Variants in CMTR1 observed in about 807,000 individuals in gnomAD.
The protein encoded by CMTR1 is cap-specific mRNA (nucleoside-2'-O-)-methyltransferase 1.
Under a neutral mutation model 107.0 loss-of-function variants are expected in CMTR1, and 39 were observed. That is an observed-to-expected ratio of 0.36 (90% CI 0.28 to 0.48). The LOEUF is 0.48. Among genes scored for constraint, CMTR1 ranks in the 20% least tolerant of loss-of-function variants. The probability of loss-of-function intolerance (pLI) is 0.99; values close to 1 mark genes in which losing one functional copy is unlikely to be tolerated. For synonymous variants in CMTR1, 366 were observed against 379.5 expected, an observed-to-expected ratio of 0.96 and a Z score of 0.41; for missense variants, 672 against 1,064.9, an observed-to-expected ratio of 0.63 and a Z score of 5.14.
intron 3 of CMTR1, among the ~76,000 whole-genome samples, chr6:37,444,626 T>C (rs1338399755): frequency 6.6e-6 from 1 of 152,218 alleles, no homozygotes; most frequent in African/African-American, 2.4e-5. Context: ...TATACCTAAT[T>C]GATGTATCAC....
intron 5 of CMTR1, among the ~76,000 whole-genome samples, chr6:37,450,776 G>T (rs1394487534): frequency 6.6e-6 from 1 of 152,204 alleles, no homozygotes; most frequent in East Asian, 1.9e-4. Flanking sequence ...AATCAATATG[G>T]TCTAGAGGGC....
Position 37,462,323 on chromosome 6 carries a change from T to C in CMTR1, c.1325+221T>C, listed in dbSNP as rs562577875. Reference sequence around the variant, plus strand: ...TTCCAAGCCTTATGCTCCATGCTTATGTGAGGGATTCTCAGCTTGGCCAAG... The same window carrying C: ...TTCCAAGCCTTATGCTCCATGCTTACGTGAGGGATTCTCAGCTTGGCCAAG... On this transcript the variant is annotated intron_variant, in intron 12 of 23. Transcript: ENST00000373451. 7.2e-5 allele frequency among the ~76,000 whole-genome samples: 11 copies of C among 152,326 alleles called. No homozygotes were observed. In the South Asian group the frequency reaches 2.1e-3, roughly 29 times the overall value.
intron 2 of CMTR1, among the ~76,000 whole-genome samples, chr6:37,438,430 G>C (rs773546908): frequency 3.3e-5 from 5 of 152,154 alleles, no homozygotes; most frequent in Non-Finnish European, 5.9e-5. Flanking sequence ...TTCCTTGTAT[G>C]TGTCTGGCAA....
intron 5 of CMTR1, 133 bp downstream of exon 5, chr6:37,450,476 A>G: frequency 1.4e-6 from 1 of 706,478 alleles, no homozygotes; most frequent in East Asian, 2.7e-5. Context: ...TAGGAATAAA[A>G]CTGTGTCAAG....
chr6:37,446,679 G>GTC (rs1771804352), intron 4 of CMTR1, among the ~76,000 whole-genome samples: 1 of 152,216 alleles, frequency 6.6e-6, no homozygotes, highest in Non-Finnish European at 1.5e-5. Flanking sequence ...AAGACCAACG[G>GTC]GTAGAAGATG....
At chr6:37,441,246 C>T (rs917354068) in intron 2 of CMTR1, among the ~76,000 whole-genome samples, 5 of 152,160 alleles carry the variant, frequency 3.3e-5, no homozygotes, top group African/African-American at 1.2e-4. Context: ...CATCTCTCTC[C>T]TCTGCATGGG....
chr6:37,441,738 G>T (rs1771681519), intron 2 of CMTR1, among the ~76,000 whole-genome samples: 1 of 152,108 alleles, frequency 6.6e-6, no homozygotes, highest in Admixed American at 6.5e-5. Context: ...ATACATTCTT[G>T]TGTCTCACAA....
At chr6:37,449,317 T>TG (rs11282584) in intron 4 of CMTR1, among the ~76,000 whole-genome samples, 3 of 151,848 alleles carry the variant, frequency 2.0e-5, no homozygotes, top group South Asian at 2.1e-4. Context: ...TGTTATGTTA[T>TG]TTTGTTTTCA....
At chr6:37,430,948 G>A (rs1430375458), upstream of CMTR1, among the ~76,000 whole-genome samples, 1 of 149,770 alleles carries the variant, frequency 6.7e-6, no homozygotes, top group African/African-American at 2.5e-5. Flanking sequence ...TGGAGGTGGT[G>A]CTTGCAGTGA....
intron 21 of CMTR1, 84 bp from the exon 22 acceptor site, chr6:37,478,325 T>C: frequency 9.6e-7 from 1 of 1,044,160 alleles, no homozygotes; most frequent in Non-Finnish European, 1.5e-6. Flanking sequence ...GATACTGCAG[T>C]TGGGGTGATT....
intron 13 of CMTR1, among the ~76,000 whole-genome samples, chr6:37,467,657 A>C (rs62406514): frequency 6.6e-6 from 1 of 152,202 alleles, no homozygotes; most frequent in Non-Finnish European, 1.5e-5. Context: ...GCACATGTAC[A>C]TTTAAGATAG....
chr6:37,481,422 T>A lies in CMTR1; in HGVS notation c.*1277T>A. The A allele has an allele frequency of 8.5e-7, 1 of 1,177,756 alleles. No homozygotes were observed. Among genetic ancestry groups the A allele is most frequent in the Non-Finnish European group, 1.1e-6 (1 of 936,810 alleles). 73.0% of individuals were successfully genotyped at this position (1,177,756 alleles called of 1,614,324 possible). ...CCCACCCCCAGGCTGGCAGTAGCACTGCTGAGATGCTGTATTTCCACCCAA... is the reference window on the plus strand; with the variant it reads ...CCCACCCCCAGGCTGGCAGTAGCACAGCTGAGATGCTGTATTTCCACCCAA... On this transcript the variant is annotated 3_prime_UTR_variant, in exon 24 of 24. Transcript: ENST00000373451.
rs762457152 is a variant in CMTR1 at position 37,473,472 on chromosome 6, C to T, written c.1692C>T (p.Gly564=). The part of the protein sequence containing the change: ...PKSKFFELIQ[G]TEIDIFSYKP... The stretch of plus-strand genomic sequence containing the variant: ...TTTTCTCTGACTCGTGGCTGCAGGG[C>T]ACTGAGATTGACATCTTCAGCTACA... Residue 564 remains glycine, a splice_region_variant and synonymous_variant, in exon 17 of 24, where the codon GGC becomes GGT. Transcript: ENST00000373451. 1 of 1,613,106 alleles carries T rather than the reference C, an allele frequency of 6.2e-7. No individual in the cohort carries two copies. Among genetic ancestry groups the T allele is most frequent in the Non-Finnish European group, 8.5e-7 (1 of 1,179,424 alleles).
Position 37,443,981 on chromosome 6 carries a change from T to C in CMTR1, c.134-18T>C, listed in dbSNP as rs775775351. ...TGTGCCATAAACCTACCTAAACATT[T>C]TCCTTTTTCTTTTTCAGCATCTACT... On this transcript the variant is annotated intron_variant, in intron 2 of 23. Coordinates refer to ENST00000373451, the MANE Select transcript of CMTR1 (RefSeq NM_015050.3). The C allele has an allele frequency of 6.2e-7, 1 of 1,610,534 alleles. No individual in the cohort carries two copies. Among genetic ancestry groups the C allele is most frequent in the South Asian group, 1.1e-5 (1 of 90,062 alleles).
chr6:37,473,060 A>G lies in CMTR1; in HGVS notation c.1690-410A>G, dbSNP rs181191154. On this transcript the variant is annotated intron_variant, in intron 16 of 23. Coordinates refer to ENST00000373451, the MANE Select transcript of CMTR1 (RefSeq NM_015050.3). Reference sequence around the variant, plus strand: ...CAGGGAGTAGAGACTGAGGTTCAAGATGCCCTCAAAAGAATAGTATGTGTA... The same window carrying G: ...CAGGGAGTAGAGACTGAGGTTCAAGGTGCCCTCAAAAGAATAGTATGTGTA... 3.9e-3 allele frequency among the ~76,000 whole-genome samples: 600 copies of G among 152,282 alleles called. 4 individuals are homozygous for G. Among genetic ancestry groups the G allele is most frequent in the Non-Finnish European group, 6.6e-3 (449 of 68,004 alleles).
At chr6:37,467,637 T>C (rs1761534371) in intron 13 of CMTR1, among the ~76,000 whole-genome samples, 1 of 152,208 alleles carries the variant, frequency 6.6e-6, no homozygotes, top group African/African-American at 2.4e-5. Context: ...TTTGGGATCT[T>C]TGTTATTAGG....
At chr6:37,471,690 TG>T (rs1761630459) in intron 14 of CMTR1, among the ~76,000 whole-genome samples, 156 bp from the exon 15 acceptor site, 1 of 152,196 alleles carries the variant, frequency 6.6e-6, no homozygotes, top group Non-Finnish European at 1.5e-5. Flanking sequence ...GCCTTGCATG[TG>T]TTGTAATCAC....
intron 16 of CMTR1, 108 bp from the exon 17 acceptor site, chr6:37,473,362 C>A: frequency 8.3e-7 from 1 of 1,204,068 alleles, no homozygotes; most frequent in Non-Finnish European, 1.2e-6. Flanking sequence ...TTTCAGAGAG[C>A]CAATGCTTCC....
At position 37,475,393 on chromosome 6, in the gene CMTR1, G is replaced by A. The variant is rs777576981; in HGVS notation, c.2017G>A (p.Glu673Lys). ...TGTGCTGAATGGCACCGACGTTCGGGAGCAGCACTTTAACCAGCGGTCTGA... is the reference window on the plus strand; with the variant it reads ...TGTGCTGAATGGCACCGACGTTCGGAAGCAGCACTTTAACCAGCGGTCTGA... Reference protein sequence around the residue: ...VLVLNGTDVREQHFNQRIQLA... With the variant: ...VLVLNGTDVRKQHFNQRIQLA... The change falls in exon 19 of 24, where the codon GAG (glutamate) becomes AAG (lysine). Residue 673 changes from glutamate to lysine, a missense_variant. Glu to Lys is a moderately conservative substitution (Grantham distance 56). Transcript: ENST00000373451. The A allele has an allele frequency of 1.2e-6, 2 of 1,609,452 alleles. No individual in the cohort carries two copies. The highest frequency in any genetic ancestry group is 1.7e-6 in the Non-Finnish European group (2 of 1,177,414).
Sources: allele counts gnomAD v4.1 joint callset (sites outside exome capture counted in the v4.1 genomes callset), GRCh38; gene constraint gnomAD v4.1.1; transcripts MANE v1.5; gene names NCBI Gene and HGNC (gene_info 2026-07-23, HGNC 2026-07-21).